The following KIAA1217 variants were observed in gnomAD, a reference collection of about 807,000 sequenced individuals.
KIAA1217 encodes the protein sickle tail protein homolog.
KIAA1217 carries 88 observed loss-of-function variants against 163.9 expected under a neutral mutation model. The ratio of observed to expected loss-of-function variants is 0.54; its 90% CI spans 0.45 to 0.64. KIAA1217 has a LOEUF of 0.64. Among genes scored for constraint, KIAA1217 ranks in the 30% least tolerant of loss-of-function variants. The probability of loss-of-function intolerance (pLI) is 0.00; values close to 1 mark genes in which losing one functional copy is unlikely to be tolerated. For missense variants in KIAA1217, 2,372 were observed against 2,475.0 expected, an observed-to-expected ratio of 0.96 and a Z score of 0.88; for synonymous variants, 903 against 923.1, an observed-to-expected ratio of 0.98 and a Z score of 0.39.
chr10:23,909,952 C>A (rs1842358851), intron 1 of KIAA1217, among the ~76,000 whole-genome samples: 1 of 152,156 alleles, frequency 6.6e-6, no homozygotes, highest in African/African-American at 2.4e-5. Context: ...TCCTCTCCAG[C>A]ATCTGTCGTT....
At chr10:24,207,425 A>G (rs2067623987), upstream of KIAA1217, among the ~76,000 whole-genome samples, 2 of 152,192 alleles carry the variant, frequency 1.3e-5, no homozygotes, top group Admixed American at 1.3e-4. Flanking sequence ...GGCTGAACAC[A>G]GCAGGGCCCT....
At chr10:24,088,256 C>CAT (rs758367708) in intron 2 of KIAA1217, among the ~76,000 whole-genome samples, 3,380 of 95,784 alleles carry the variant, frequency 0.035, 529 homozygotes, top group East Asian at 0.06. Flanking sequence ...TTTTAATATA[C>CAT]ATATATATAT....
At chr10:23,758,686 C>CTTTTTTTTTTTTTTTT (rs34055872) in intron 1 of KIAA1217, among the ~76,000 whole-genome samples, 12 of 59,826 alleles carry the variant, frequency 2.0e-4, no homozygotes, top group South Asian at 7.6e-4. Flanking sequence ...TTCTTTCTTT[C>CTTTTTTTTTTTTTTTT]TTTTTTTTTT....
intron 1 of KIAA1217, among the ~76,000 whole-genome samples, chr10:23,735,403 G>A (rs1838738327): frequency 6.6e-6 from 1 of 151,838 alleles, no homozygotes; most frequent in Non-Finnish European, 1.5e-5. Flanking sequence ...ATTTTCTCCA[G>A]CAGTGTATAA....
chr10:24,390,884 CCAGGTTTCCTCA>C (rs2054834408), intron 3 of KIAA1217, among the ~76,000 whole-genome samples: 1 of 152,116 alleles, frequency 6.6e-6, no homozygotes, highest in Non-Finnish European at 1.5e-5. Context: ...GCAGCGTTGT[CCAGGTTTCCTCA>C]CTTGGCTCCC....
At chr10:24,375,382 A>T (rs1347873148) in intron 2 of KIAA1217, among the ~76,000 whole-genome samples, 2 of 152,216 alleles carry the variant, frequency 1.3e-5, no homozygotes, top group Non-Finnish European at 2.9e-5. Context: ...CTGTAAGCAA[A>T]TTTAGAAGCG....
chr10:24,413,018 T>C (rs922339222), intron 3 of KIAA1217, among the ~76,000 whole-genome samples: 2 of 152,214 alleles, frequency 1.3e-5, no homozygotes, highest in Non-Finnish European at 2.9e-5. Flanking sequence ...TCATTTCATA[T>C]CTAATCTGAT....
intron 1 of KIAA1217, among the ~76,000 whole-genome samples, chr10:23,904,981 C>G (rs963442941): frequency 6.7e-6 from 1 of 150,346 alleles, no homozygotes; most frequent in Non-Finnish European, 1.5e-5. Flanking sequence ...TACCCACCAT[C>G]ATGATGGAGT....
chr10:23,871,243 T>C (rs1207457470), intron 1 of KIAA1217, among the ~76,000 whole-genome samples: 13 of 152,110 alleles, frequency 8.5e-5, no homozygotes, highest in Admixed American at 8.5e-4. Flanking sequence ...GCTTTGAATA[T>C]CTGCTGAAGA....
intron 2 of KIAA1217, among the ~76,000 whole-genome samples, chr10:24,226,612 A>T (rs566640067): frequency 6.6e-6 from 1 of 152,158 alleles, no homozygotes; most frequent in East Asian, 1.9e-4. Flanking sequence ...ACTGCACTCC[A>T]GCCTGGGTGA....
At position 23,724,671 on chromosome 10, in the gene KIAA1217, A is replaced by G. The variant is rs555322894; in HGVS notation, c.-321+29437A>G. Reference sequence around the variant, plus strand: ...CAAAAGAGAATGAAGGATTAATTCTATAATTTGGGTGGCTAGCCCTAAATG... The same window carrying G: ...CAAAAGAGAATGAAGGATTAATTCTGTAATTTGGGTGGCTAGCCCTAAATG... On this transcript the variant is annotated intron_variant, in intron 1 of 18. Transcript: ENST00000376462. Among the ~76,000 whole-genome samples the G allele has an allele frequency of 4.6e-5, 7 of 152,342 alleles. 1 individual carries two copies. The highest frequency in any genetic ancestry group is 3.9e-4 in the Admixed American group (6 of 15,298).
Position 24,495,155 on chromosome 10 carries a change from T to A in KIAA1217, c.1793T>A (p.Met598Lys). 1 of 1,610,080 alleles carries A rather than the reference T, an allele frequency of 6.2e-7. No individual in the cohort carries two copies. Residue 598 changes from methionine (M) to lysine (K), a missense_variant, in exon 8 of 21, where the codon ATG becomes AAG. Coordinates refer to ENST00000376454, the MANE Select transcript of KIAA1217 (RefSeq NM_019590.5). ...SYSKDASSEK[M>K]MKTTANRNHT... The stretch of plus-strand genomic sequence containing the variant: ...CTTTTTCTTTTATTCAGCGAGAAAA[T>A]GATGAAAACCACAGCCAACAGGAAC...
At chr10:23,987,456 C>A (rs970693664) in intron 1 of KIAA1217, among the ~76,000 whole-genome samples, 6 of 149,074 alleles carry the variant, frequency 4.0e-5, no homozygotes, top group Admixed American at 3.4e-4. Flanking sequence ...AAATATGGTA[C>A]TTATGTTCAT....
At chr10:24,502,177 G>C (rs2067717313) in intron 9 of KIAA1217, among the ~76,000 whole-genome samples, 1 of 149,950 alleles carries the variant, frequency 6.7e-6, no homozygotes, top group African/African-American at 2.5e-5. Context: ...GCTGACTTCT[G>C]ACAGCTTGGA....
At chr10:23,868,957 A>G (rs760228120) in intron 1 of KIAA1217, among the ~76,000 whole-genome samples, 5 of 152,092 alleles carry the variant, frequency 3.3e-5, no homozygotes, top group Admixed American at 6.6e-5. Context: ...AATATTAAAC[A>G]TTGCTGCAGG....
chr10:24,487,776 G>A (rs1039498122), intron 6 of KIAA1217, among the ~76,000 whole-genome samples: 1 of 152,156 alleles, frequency 6.6e-6, no homozygotes, highest in African/African-American at 2.4e-5. Context: ...TAATGAGAAG[G>A]TTTCCCCCAA....
Position 23,951,515 on chromosome 10 carries a change from T to C in KIAA1217, c.-320-55710T>C, listed in dbSNP as rs556439665. 3.3e-5 allele frequency among the ~76,000 whole-genome samples: 5 copies of C among 152,190 alleles called. No homozygotes were observed. In the South Asian group the frequency reaches 1.0e-3, roughly 32 times the overall value. On this transcript the variant is annotated intron_variant, in intron 1 of 18. Transcript: ENST00000376462. ...TAAAAATACAAAAATTATGCCAGCATGGTGGTGCACACCTGTAGTTCCAGC... is the reference window on the plus strand; with the variant it reads ...TAAAAATACAAAAATTATGCCAGCACGGTGGTGCACACCTGTAGTTCCAGC...
intron 10 of KIAA1217, 151 bp from the exon 11 acceptor site, chr10:24,519,972 G>A: frequency 1.2e-6 from 1 of 811,790 alleles, no homozygotes; most frequent in Middle Eastern, 3.9e-4. Context: ...TAAAAGATGA[G>A]CGACCCCCCT....
intron 11 of KIAA1217, among the ~76,000 whole-genome samples, chr10:24,520,684 AC>A (rs2071083487): frequency 7.8e-6 from 1 of 128,358 alleles, no homozygotes; most frequent in African/African-American, 3.1e-5. Context: ...ATACACACAC[AC>A]ACAAAAAAAA....
Sources: gnomAD v4.1 joint callset for allele counts (sites outside exome capture counted in the v4.1 genomes callset) on GRCh38, gnomAD v4.1.1 for gene constraint, MANE v1.5 for transcripts, NCBI Gene and HGNC (gene_info 2026-07-23, HGNC 2026-07-21) for gene names.